The following RIMS3 variants were observed in gnomAD, a reference collection of about 807,000 sequenced individuals.
RIMS3 encodes regulating synaptic membrane exocytosis protein 3.
A neutral mutation model predicts 29.2 loss-of-function variants in RIMS3; 15 were observed. That is an observed-to-expected ratio of 0.51 (90% CI 0.34 to 0.79). RIMS3 has a LOEUF of 0.79. RIMS3 is among the 30% of genes least tolerant of loss of function. RIMS3 has a pLI of 0.01. For missense variants in RIMS3, 342 were observed against 421.4 expected, an observed-to-expected ratio of 0.81 and a Z score of 1.65; for synonymous variants, 161 against 170.1, an observed-to-expected ratio of 0.95 and a Z score of 0.41.
intron 3 of RIMS3, among the ~76,000 whole-genome samples, chr1:40,637,002 C>A (rs1646524705): frequency 6.6e-6 from 1 of 152,180 alleles, no homozygotes; most frequent in African/African-American, 2.4e-5. Flanking sequence ...TGAAGCTTGG[C>A]AGCTGGAGGA....
chr1:40,666,572 G>T (rs1275099613), upstream of RIMS3, among the ~76,000 whole-genome samples: 1 of 152,148 alleles, frequency 6.6e-6, no homozygotes, highest in African/African-American at 2.4e-5. Context: ...TCCTAGGGTC[G>T]TGCCTGCCCC....
intron 1 of RIMS3, among the ~76,000 whole-genome samples, chr1:40,660,293 C>A (rs1325298940): frequency 1.3e-5 from 2 of 151,648 alleles, no homozygotes; most frequent in East Asian, 1.9e-4. Context: ...GAGTCAGGAG[C>A]TGGGTCTGGA....
chr1:40,643,918 G>T (rs1435642412), intron 2 of RIMS3, among the ~76,000 whole-genome samples: 2 of 152,170 alleles, frequency 1.3e-5, no homozygotes, highest in Non-Finnish European at 2.9e-5. Context: ...CTCACAGAGG[G>T]CTGGTTTTGT....
chr1:40,670,574 T>TTATATATATATATGTA (rs1553146612), upstream of RIMS3, among the ~76,000 whole-genome samples: 7 of 71,210 alleles, frequency 9.8e-5, no homozygotes, highest in African/African-American at 4.9e-4. Context: ...AGTTATAATT[T>TTATATATATATATGTA]TATATATATA....
the RIMS3 span, among the ~76,000 whole-genome samples, chr1:40,685,581 G>A: frequency 1.3e-5 from 2 of 151,834 alleles, no homozygotes; most frequent in African/African-American, 4.8e-5. Flanking sequence ...CATCGGAAGA[G>A]TATCACTTAT....
At chr1:40,643,426 C>A (rs953432196) in intron 2 of RIMS3, among the ~76,000 whole-genome samples, 1 of 151,892 alleles carries the variant, frequency 6.6e-6, no homozygotes, top group Non-Finnish European at 1.5e-5. Context: ...AGCCACCGGG[C>A]CTGGCTTCTT....
At chr1:40,660,872 C>G (rs1642342063) in intron 1 of RIMS3, among the ~76,000 whole-genome samples, 1 of 152,108 alleles carries the variant, frequency 6.6e-6, no homozygotes, top group Non-Finnish European at 1.5e-5. Flanking sequence ...CTTGGCAAAT[C>G]AGGACCATGA....
chr1:40,648,732 A>G (rs945194291), intron 1 of RIMS3, among the ~76,000 whole-genome samples: 1 of 152,188 alleles, frequency 6.6e-6, no homozygotes, highest in Non-Finnish European at 1.5e-5. Flanking sequence ...AGAGACTAGG[A>G]GCATCGCCTC....
chr1:40,658,815 C>T (rs550059607), intron 1 of RIMS3, among the ~76,000 whole-genome samples: 4 of 152,322 alleles, frequency 2.6e-5, no homozygotes, highest in African/African-American at 4.8e-5. Context: ...AATGGTTTTC[C>T]TTCCCCTTAG....
intron 5 of RIMS3, among the ~76,000 whole-genome samples, chr1:40,631,315 G>T (rs1646487925): frequency 6.6e-6 from 1 of 152,162 alleles, no homozygotes; most frequent in South Asian, 2.1e-4. Context: ...GTAGGCTTCA[G>T]GTAGTACCGT....
intron 7 of RIMS3, among the ~76,000 whole-genome samples, chr1:40,628,550 G>A (rs1557664363): frequency 6.6e-6 from 1 of 152,246 alleles, no homozygotes; most frequent in Non-Finnish European, 1.5e-5. Context: ...AGGGGAAGGA[G>A]GAGGCAGTGG....
chr1:40,684,091 A>G, the RIMS3 span, among the ~76,000 whole-genome samples: 1 of 152,210 alleles, frequency 6.6e-6, no homozygotes, highest in Non-Finnish European at 1.5e-5. Flanking sequence ...GAAATTTGAA[A>G]TTGAGCCTAA....
At chr1:40,683,515 T>C in the RIMS3 span, among the ~76,000 whole-genome samples, 1 of 152,270 alleles carries the variant, frequency 6.6e-6, no homozygotes, top group Non-Finnish European at 1.5e-5. Context: ...TCACCAGATG[T>C]CGAGCAAATG....
intron 3 of RIMS3, among the ~76,000 whole-genome samples, chr1:40,640,542 T>C (rs947752963): frequency 1.3e-5 from 2 of 151,886 alleles, no homozygotes; most frequent in Non-Finnish European, 2.9e-5. Flanking sequence ...CCCCTCACCA[T>C]CCCATCCAGC....
chr1:40,633,062 G>C lies in RIMS3; in HGVS notation c.472+7C>G, dbSNP rs1335553215. 1 of 1,611,430 alleles carries C rather than the reference G, an allele frequency of 6.2e-7. No individual in the cohort carries two copies. The highest frequency in any genetic ancestry group is 8.5e-7 in the Non-Finnish European group (1 of 1,177,522). On this transcript the variant is annotated splice_region_variant and intron_variant, in intron 5 of 7. Coordinates refer to ENST00000372684, the MANE Select transcript of RIMS3 (RefSeq NM_014747.3). ...ACCCCACTCAACCTGCCCTTAATAA[G>C]ACTCACCCATGGGTGGTGTTGCCAG...
chr1:40,662,332 T>C (rs1642364715), intron 1 of RIMS3, among the ~76,000 whole-genome samples: 1 of 152,146 alleles, frequency 6.6e-6, no homozygotes, highest in South Asian at 2.1e-4. Flanking sequence ...GCACCCTTCA[T>C]GACTCAGCTA....
In RIMS3 at chr1:40,636,035, G is replaced by C; in HGVS notation, c.240C>G (p.Arg80=). 6.2e-7 allele frequency: 1 copy of C among 1,605,338 alleles called. No individual in the cohort carries two copies. The highest frequency in any genetic ancestry group is 8.5e-7 in the Non-Finnish European group (1 of 1,179,966). The part of the protein sequence containing the change: ...PQPEGATKKL[R]SNIRRSTETG... ...TCTCCGTGCTCCGGCGGATGTTGCTGCGCAGCTTCTTGGTGGCCCCTTCTG... is the reference window on the plus strand; with the variant it reads ...TCTCCGTGCTCCGGCGGATGTTGCTCCGCAGCTTCTTGGTGGCCCCTTCTG... Residue 80 remains arginine (R), a synonymous_variant, in exon 4 of 8, where the codon CGC becomes CGG. Transcript: ENST00000372684. The surrounding 1 kb of genome is among the most constrained non-coding windows in gnomAD (Gnocchi z 4.2).
At position 40,654,364 on chromosome 1, in the gene RIMS3, G is replaced by C. The variant is rs1430418578; in HGVS notation, c.-206-6522C>G. Among the ~76,000 whole-genome samples, 1 of 152,120 alleles carries C rather than the reference G, an allele frequency of 6.6e-6. No individual in the cohort carries two copies. The highest frequency in any genetic ancestry group is 2.4e-5 in the African/African-American group (1 of 41,422). On this transcript the variant is annotated intron_variant, in intron 1 of 7. Coordinates refer to ENST00000372684, the MANE Select transcript of RIMS3 (RefSeq NM_014747.3). The surrounding 1 kb of genome is among the most constrained non-coding windows in gnomAD (Gnocchi z 5.3). ...GCCCAAAGAGGTGCACGCATTCCCT[G>C]CAACCTCTCCACCCCCGGACCCTTT... is the stretch of plus-strand genomic sequence containing the variant.
intron 7 of RIMS3, 39 bp downstream of exon 7, chr1:40,628,771 T>C (rs1646470113): frequency 1.2e-6 from 2 of 1,613,868 alleles, no homozygotes; most frequent in Non-Finnish European, 1.7e-6. Context: ...ACTTCCAGTC[T>C]GTGAGTCCAC....
Sources: gnomAD v4.1 joint callset for allele counts (sites outside exome capture counted in the v4.1 genomes callset) on GRCh38, gnomAD v4.1.1 for gene constraint, Gnocchi (gnomAD v3.1) non-coding constraint, MANE v1.5 for transcripts, NCBI Gene and HGNC (gene_info 2026-07-23, HGNC 2026-07-21) for gene names.